The following PRKAR2B variants were observed in gnomAD, a reference collection of about 807,000 sequenced individuals.
The protein encoded by PRKAR2B is protein kinase cAMP-dependent type II regulatory subunit beta.
A neutral mutation model predicts 49.9 loss-of-function variants in PRKAR2B; 14 were observed. The observed-to-expected ratio is 0.28, with a 90% CI of 0.19 to 0.44. The LOEUF (loss-of-function observed/expected upper bound fraction) is 0.44. Among genes scored for constraint, PRKAR2B ranks in the 20% least tolerant of loss-of-function variants. The pLI is 1.00. For synonymous variants in PRKAR2B, 196 were observed against 197.7 expected (o/e 0.99, Z 0.07); for missense variants, 393 against 537.9 (o/e 0.73, Z 2.67).
intron 2 of PRKAR2B, among the ~76,000 whole-genome samples, chr7:107,087,420 A>T (rs1372324644): frequency 6.6e-6 from 1 of 152,176 alleles, no homozygotes; most frequent in Non-Finnish European, 1.5e-5. Flanking sequence ...AGTAAGAACC[A>T]CTTTAAATAA....
At chr7:107,062,683 G>T (rs754215941) in intron 1 of PRKAR2B, among the ~76,000 whole-genome samples, 36 of 152,032 alleles carry the variant, frequency 2.4e-4, no homozygotes, top group Non-Finnish European at 4.4e-4. Context: ...ACATTTTATT[G>T]TATGTCAATT....
intron 1 of PRKAR2B, among the ~76,000 whole-genome samples, chr7:107,066,301 G>GTGTGT (rs1554362906): frequency 4.1e-5 from 6 of 145,602 alleles, no homozygotes; most frequent in African/African-American, 1.3e-4. Context: ...CTCTATGTGG[G>GTGTGT]GTGTGTGTGT....
chr7:107,057,311 GA>G (rs1793935074), intron 1 of PRKAR2B, among the ~76,000 whole-genome samples: 1 of 151,464 alleles, frequency 6.6e-6, no homozygotes, highest in African/African-American at 2.4e-5. Context: ...ATCCTAAACT[GA>G]ATGTGTTCTC....
intron 1 of PRKAR2B, among the ~76,000 whole-genome samples, chr7:107,057,914 A>G (rs1793947261): frequency 6.6e-6 from 1 of 152,214 alleles, no homozygotes; most frequent in Non-Finnish European, 1.5e-5. Context: ...GTACTTTTAA[A>G]AAGTTATTAA....
chr7:107,063,005 A>G (rs1279960772), intron 1 of PRKAR2B, among the ~76,000 whole-genome samples: 1 of 151,800 alleles, frequency 6.6e-6, no homozygotes, highest in African/African-American at 2.4e-5. Context: ...TATACATAAC[A>G]TTTGCTGTTT....
chr7:107,055,531 T>G (rs28759831), intron 1 of PRKAR2B, among the ~76,000 whole-genome samples: 25,723 of 152,072 alleles, frequency 0.17, 4,655 homozygotes, highest in African/African-American at 0.46. Flanking sequence ...GGTATCTCAT[T>G]GTGGTTTTGA....
Position 107,094,589 on chromosome 7 carries a change from A to G in PRKAR2B, c.343+24273A>G, listed in dbSNP as rs189303983. The stretch of plus-strand genomic sequence containing the variant: ...AGTCATGAAATCTTTGCCCATGCCT[A>G]TGTCCTGAATGGTACTGGCTAGGTT... On this transcript the variant is annotated intron_variant, in intron 2 of 10. Transcript: ENST00000265717. Among the ~76,000 whole-genome samples, 270 of 152,252 alleles carry G rather than the reference A, an allele frequency of 1.8e-3. 1 individual carries two copies. The highest frequency in any genetic ancestry group is 6.1e-3 in the African/African-American group (254 of 41,540).
chr7:107,065,635 A>G (rs78798637), intron 1 of PRKAR2B, among the ~76,000 whole-genome samples: 2,755 of 152,302 alleles, frequency 0.018, 92 homozygotes, highest in African/African-American at 0.064. Context: ...CTTCAAGGGC[A>G]GGGACTCTCT....
intron 2 of PRKAR2B, among the ~76,000 whole-genome samples, chr7:107,118,225 A>G (rs115691095): frequency 7.2e-5 from 11 of 152,296 alleles, no homozygotes; most frequent in African/African-American, 2.2e-4. Flanking sequence ...TTTGGTGAGT[A>G]AGACAAAAGG....
intron 1 of PRKAR2B, among the ~76,000 whole-genome samples, chr7:107,059,387 C>T (rs1793981853): frequency 6.6e-6 from 1 of 152,078 alleles, no homozygotes; most frequent in South Asian, 2.1e-4. Flanking sequence ...CGGAGATAAC[C>T]ACCACCATGA....
intron 10 of PRKAR2B, 152 bp downstream of exon 10, chr7:107,157,476 A>G: frequency 9.6e-7 from 1 of 1,043,880 alleles, no homozygotes; most frequent in African/African-American, 1.6e-5. Flanking sequence ...TATAAAATCA[A>G]TTTGTGGAAG....
At chr7:107,111,825 C>T (rs559827090) in intron 2 of PRKAR2B, among the ~76,000 whole-genome samples, 37 of 151,816 alleles carry the variant, frequency 2.4e-4, no homozygotes, top group African/African-American at 7.2e-4. Context: ...CCCACTTCCA[C>T]CCCCAATTTA....
intron 2 of PRKAR2B, among the ~76,000 whole-genome samples, chr7:107,118,343 A>C (rs1017907765): frequency 6.7e-6 from 1 of 148,532 alleles, no homozygotes; most frequent in South Asian, 2.1e-4. Flanking sequence ...CATTCATTCA[A>C]TGTGTGTTTG....
intron 4 of PRKAR2B, among the ~76,000 whole-genome samples, chr7:107,130,217 G>A (rs763506228): frequency 6.6e-6 from 1 of 152,150 alleles, no homozygotes; most frequent in African/African-American, 2.4e-5. Context: ...AAGTTATGCC[G>A]GGCCGGGCGT....
intron 1 of PRKAR2B, among the ~76,000 whole-genome samples, chr7:107,064,546 G>A (rs1038566423): frequency 6.6e-6 from 1 of 152,120 alleles, no homozygotes; most frequent in African/African-American, 2.4e-5. Flanking sequence ...AACAGCTCCC[G>A]TTATGTCTCA....
intron 2 of PRKAR2B, among the ~76,000 whole-genome samples, chr7:107,115,416 G>A (rs1795255250): frequency 6.6e-6 from 1 of 152,124 alleles, no homozygotes; most frequent in South Asian, 2.1e-4. Context: ...TATTTATATT[G>A]CGTTTTTTAT....
intron 2 of PRKAR2B, among the ~76,000 whole-genome samples, chr7:107,110,328 A>G (rs1795148766): frequency 6.6e-6 from 1 of 152,016 alleles, no homozygotes; most frequent in African/African-American, 2.4e-5. Flanking sequence ...AACTTGAAAA[A>G]CAGTCTAGGC....
intron 2 of PRKAR2B, among the ~76,000 whole-genome samples, chr7:107,075,184 C>CCT (rs1235508781): frequency 3.3e-5 from 5 of 151,402 alleles, no homozygotes; most frequent in African/African-American, 1.2e-4. Context: ...CTCACTGCAA[C>CCT]CTCTGCCTCT....
At chr7:107,112,982 A>G (rs1407851482) in intron 2 of PRKAR2B, among the ~76,000 whole-genome samples, 1 of 152,162 alleles carries the variant, frequency 6.6e-6, no homozygotes, top group Non-Finnish European at 1.5e-5. Flanking sequence ...ATTTTCTTAT[A>G]ATTATGGCTA....
Sources: allele counts gnomAD v4.1 joint callset (sites outside exome capture counted in the v4.1 genomes callset), GRCh38; gene constraint gnomAD v4.1.1; transcripts MANE v1.5; gene names NCBI Gene and HGNC (gene_info 2026-07-23, HGNC 2026-07-21).